CPQ: variants seen among roughly 807,000 people sequenced by gnomAD.
The protein encoded by CPQ is Ser-Met dipeptidase.
Under a neutral mutation model 45.7 loss-of-function variants are expected in CPQ, and 37 were observed. The ratio of observed to expected loss-of-function variants is 0.81; its 90% CI spans 0.62 to 1.07. The LOEUF (loss-of-function observed/expected upper bound fraction) is 1.07, where lower values mean the gene tolerates loss of function less well. Ranked by LOEUF, CPQ falls within the 50% of genes least tolerant of loss-of-function variation. The pLI is 0.00. For synonymous variants in CPQ, 186 were observed against 205.8 expected (o/e 0.90, Z 0.82); for missense variants, 537 against 572.9 (o/e 0.94, Z 0.64).
intron 1 of CPQ, among the ~76,000 whole-genome samples, chr8:96,680,203 A>G (rs1809130907): frequency 6.6e-6 from 1 of 152,094 alleles, no homozygotes; most frequent in South Asian, 2.1e-4. Flanking sequence ...ATGTGGTTTA[A>G]CCTTCATATA....
At chr8:97,000,904 TCTGATCTCTTTGAA>T (rs1809268381) in intron 5 of CPQ, among the ~76,000 whole-genome samples, 1 of 152,224 alleles carries the variant, frequency 6.6e-6, no homozygotes, top group African/African-American at 2.4e-5. Flanking sequence ...TTGTATCATC[TCTGATCTCTTTGAA>T]CAGTGGTTTG....
At chr8:96,986,309 C>T (rs555475986) in intron 5 of CPQ, among the ~76,000 whole-genome samples, 6 of 152,246 alleles carry the variant, frequency 3.9e-5, no homozygotes, top group African/African-American at 1.4e-4. Context: ...TTAGAAAATT[C>T]GATTGGACCA....
intron 5 of CPQ, among the ~76,000 whole-genome samples, chr8:96,991,387 T>A (rs913653312): frequency 5.9e-5 from 9 of 151,738 alleles, no homozygotes; most frequent in Non-Finnish European, 1.3e-4. Context: ...CAAAACCCCA[T>A]CCTACTAAAC....
chr8:96,924,070 C>A, intron 4 of CPQ, among the ~76,000 whole-genome samples: 1 of 152,146 alleles, frequency 6.6e-6, no homozygotes, highest in East Asian at 1.9e-4. Context: ...CTGGAGAGAG[C>A]CTTCAGGCAG....
intron 4 of CPQ, among the ~76,000 whole-genome samples, chr8:96,906,177 T>C (rs1812574033): frequency 6.6e-6 from 1 of 152,144 alleles, no homozygotes; most frequent in Non-Finnish European, 1.5e-5. Context: ...AGACAACTGA[T>C]GGAAAGACAG....
chr8:97,049,263 C>T (rs771192699), intron 6 of CPQ, among the ~76,000 whole-genome samples: 3 of 152,112 alleles, frequency 2.0e-5, no homozygotes, highest in Non-Finnish European at 2.9e-5. Flanking sequence ...GTATAATACA[C>T]CTCCTTCCTT....
At chr8:97,091,859 G>A (rs1030880796) in intron 7 of CPQ, among the ~76,000 whole-genome samples, 1 of 151,412 alleles carries the variant, frequency 6.6e-6, no homozygotes, top group Non-Finnish European at 1.5e-5. Context: ...TGGATAGATG[G>A]ATGGATGGAT....
intron 1 of CPQ, among the ~76,000 whole-genome samples, chr8:96,763,529 T>C (rs1219319814): frequency 1.3e-5 from 2 of 152,110 alleles, no homozygotes; most frequent in African/African-American, 4.8e-5. Flanking sequence ...CTGGACTTCC[T>C]CAAAATGAAA....
chr8:96,710,115 A>G (rs1045979603), intron 1 of CPQ, among the ~76,000 whole-genome samples: 5 of 152,110 alleles, frequency 3.3e-5, no homozygotes, highest in Non-Finnish European at 7.4e-5. Context: ...TATTCAAGCT[A>G]GGAGGGTTGT....
chr8:96,708,779 C>A (rs1168732286), intron 1 of CPQ, among the ~76,000 whole-genome samples: 2 of 152,034 alleles, frequency 1.3e-5, no homozygotes, highest in Non-Finnish European at 2.9e-5. Flanking sequence ...ACTTTTGGAA[C>A]AATGTTAACC....
intron 1 of CPQ, among the ~76,000 whole-genome samples, chr8:96,676,546 C>T (rs1809079048): frequency 6.6e-6 from 1 of 151,838 alleles, no homozygotes; most frequent in Non-Finnish European, 1.5e-5. Context: ...TTTTCTTTAT[C>T]CAGTCTTCTG....
At chr8:96,810,710 T>C in intron 2 of CPQ, among the ~76,000 whole-genome samples, 1 of 152,198 alleles carries the variant, frequency 6.6e-6, no homozygotes, top group South Asian at 2.1e-4. Context: ...CTGCATTGCA[T>C]TGATATGTTC....
intron 4 of CPQ, among the ~76,000 whole-genome samples, chr8:96,894,269 C>T (rs924776522): frequency 6.6e-6 from 1 of 152,166 alleles, no homozygotes; most frequent in Non-Finnish European, 1.5e-5. Flanking sequence ...TCTTGACTCA[C>T]AAGAACAGTG....
At chr8:96,980,024 A>C (rs924575370) in intron 5 of CPQ, among the ~76,000 whole-genome samples, 1 of 152,174 alleles carries the variant, frequency 6.6e-6, no homozygotes, top group African/African-American at 2.4e-5. Context: ...AGTGAGAGGC[A>C]GCATGGATAG....
intron 6 of CPQ, among the ~76,000 whole-genome samples, chr8:97,047,184 A>G (rs953386900): frequency 7.9e-5 from 12 of 152,334 alleles, no homozygotes; most frequent in East Asian, 5.8e-4. Context: ...TTGCCAGACC[A>G]TGTACTGTTT....
chr8:97,099,173 C>G (rs1022780232), intron 7 of CPQ, among the ~76,000 whole-genome samples: 5 of 123,648 alleles, frequency 4.0e-5, no homozygotes, highest in African/African-American at 1.5e-4. Flanking sequence ...TGCCCACTAC[C>G]AGGCTGGAGT....
chr8:97,070,193 C>T (rs1262680115), intron 7 of CPQ, among the ~76,000 whole-genome samples: 41 of 152,168 alleles, frequency 2.7e-4, no homozygotes, highest in Non-Finnish European at 2.4e-4. Context: ...ATCCTCAGTG[C>T]TCTTTAAGGC....
chr8:96,795,007 C>G (rs896827586), intron 2 of CPQ, among the ~76,000 whole-genome samples: 2 of 152,194 alleles, frequency 1.3e-5, no homozygotes, highest in African/African-American at 2.4e-5. Context: ...TTCCTGTCTT[C>G]TTCTGAGCCC....
rs1318748480 is a variant in CPQ, at chr8:96,752,903, G to A, written c.-34-31961G>A. Among the ~76,000 whole-genome samples, 5 of 152,054 alleles carry A rather than the reference G, an allele frequency of 3.3e-5. No individual in the cohort carries two copies. In the East Asian group the frequency reaches 9.7e-4, roughly 29 times the overall value. On this transcript the variant is annotated intron_variant, in intron 1 of 7. Transcript: ENST00000220763. The stretch of plus-strand genomic sequence containing the variant: ...GTTGTTTTTGTTCATTTCATTAAGG[G>A]TTTTGAGAGTCAGGTTCCATTAACC...
Sources: allele counts gnomAD v4.1 joint callset (sites outside exome capture counted in the v4.1 genomes callset), GRCh38; gene constraint gnomAD v4.1.1; transcripts MANE v1.5; gene names NCBI Gene and HGNC (gene_info 2026-07-23, HGNC 2026-07-21).